Variants in PTPRG observed in about 807,000 individuals in gnomAD.
The protein encoded by PTPRG is protein tyrosine phosphatase receptor type G.
A neutral mutation model predicts 165.3 loss-of-function variants in PTPRG; 102 were observed. That is an observed-to-expected ratio of 0.62 (90% CI 0.53 to 0.73). PTPRG has a LOEUF of 0.73. PTPRG is among the 30% of genes least tolerant of loss of function. PTPRG has a pLI of 0.00. For missense variants in PTPRG, 1,866 were observed against 1,861.4 expected (o/e 1.00, Z -0.05); for synonymous variants, 675 against 669.5 (o/e 1.01, Z -0.13).
At chr3:62,006,208 G>T (rs889682243) in intron 4 of PTPRG, among the ~76,000 whole-genome samples, 4 of 152,048 alleles carry the variant, frequency 2.6e-5, no homozygotes, top group African/African-American at 9.7e-5. Flanking sequence ...TCTCATTGAG[G>T]TCCATCTGAT....
rs9820649 is a variant in PTPRG at position 62,125,982 on chromosome 3, G to A, written c.616-6620G>A. 2.3e-3 allele frequency among the ~76,000 whole-genome samples: 356 copies of A among 152,234 alleles called. 1 individual carries two copies. The highest frequency in any genetic ancestry group is 8.2e-3 in the African/African-American group (342 of 41,554). ...CCCCCACGGGAGTACCATTTGCCAG[G>A]CACCCCAGCCATCCCACTTCCTCCC... On this transcript the variant is annotated intron_variant, in intron 5 of 29. Coordinates refer to ENST00000474889, the MANE Select transcript of PTPRG (RefSeq NM_002841.4).
At chr3:62,211,971 A>G (rs200978911) in intron 12 of PTPRG, among the ~76,000 whole-genome samples, 2 of 149,006 alleles carry the variant, frequency 1.3e-5, no homozygotes, top group Non-Finnish European at 3.0e-5. Context: ...TTTTTTTTTA[A>G]TTTTTTTTTA....
intron 2 of PTPRG, among the ~76,000 whole-genome samples, chr3:61,785,103 G>A (rs1419936801): frequency 7.2e-5 from 11 of 152,180 alleles, no homozygotes; most frequent in African/African-American, 1.4e-4. Context: ...AGAAATTTCC[G>A]TGGCTGTGCT....
chr3:62,271,588 G>A lies in PTPRG; in HGVS notation c.3182+33G>A, dbSNP rs781359818. ...CTAGGATTCAACATGTGAAATAGAT[G>A]GGGCAGGGGACTTAGGCCTCAGTGA... On this transcript the variant is annotated intron_variant, in intron 21 of 29. Coordinates refer to ENST00000474889, the MANE Select transcript of PTPRG (RefSeq NM_002841.4). The surrounding 1 kb of genome is among the most constrained non-coding windows in gnomAD (Gnocchi z 4.1). 5 of 1,588,160 alleles carry A rather than the reference G, an allele frequency of 3.1e-6. No individual in the cohort carries two copies.
chr3:62,059,947 G>C (rs1213974227), intron 4 of PTPRG, among the ~76,000 whole-genome samples: 1 of 152,128 alleles, frequency 6.6e-6, no homozygotes, highest in East Asian at 1.9e-4. Flanking sequence ...GGCCTCCCCA[G>C]CTGTACTGAA....
In PTPRG at chr3:61,675,519, C is replaced by T. The variant is rs115794064; in HGVS notation, c.86-73359C>T. ...GTATTTTTCTCACCCACAGGTATCA[C>T]TGTTAGCATTTCTAGGTAAACAGTC... On this transcript the variant is annotated intron_variant, in intron 1 of 29. Coordinates refer to ENST00000474889, the MANE Select transcript of PTPRG (RefSeq NM_002841.4). Among the ~76,000 whole-genome samples the T allele has an allele frequency of 7.6e-4, 115 of 152,298 alleles. 1 individual carries two copies. The highest frequency in any genetic ancestry group is 1.3e-3 in the Non-Finnish European group (91 of 68,020).
At chr3:61,619,693 A>T (rs767972114) in intron 1 of PTPRG, among the ~76,000 whole-genome samples, 1 of 152,224 alleles carries the variant, frequency 6.6e-6, no homozygotes, top group Non-Finnish European at 1.5e-5. Context: ...ACATGAATTA[A>T]TAGAAAATGG....
chr3:61,601,540 C>T (rs1326234108), intron 1 of PTPRG, among the ~76,000 whole-genome samples: 1 of 152,148 alleles, frequency 6.6e-6, no homozygotes, highest in Non-Finnish European at 1.5e-5. Flanking sequence ...ACTTATTCAA[C>T]AAAAACAAAA....
At chr3:61,942,022 C>T (rs1279077096) in intron 2 of PTPRG, among the ~76,000 whole-genome samples, 9 of 151,700 alleles carry the variant, frequency 5.9e-5, no homozygotes, top group East Asian at 3.9e-4. Context: ...TAGCCAGGCG[C>T]GGTGGCAGGC....
At chr3:61,627,449 ATTC>A in intron 1 of PTPRG, among the ~76,000 whole-genome samples, 1 of 152,284 alleles carries the variant, frequency 6.6e-6, no homozygotes, top group East Asian at 1.9e-4. Context: ...CCTGTGTTCT[ATTC>A]TTTATGATGG....
chr3:61,851,060 T>C (rs1048112857), intron 2 of PTPRG, among the ~76,000 whole-genome samples: 11 of 152,196 alleles, frequency 7.2e-5, no homozygotes, highest in Non-Finnish European at 1.2e-4. Flanking sequence ...AATAGCAGAA[T>C]GCCCTTGGCA....
intron 4 of PTPRG, among the ~76,000 whole-genome samples, chr3:62,031,363 T>C (rs1481079394): frequency 6.6e-6 from 1 of 152,150 alleles, no homozygotes; most frequent in African/African-American, 2.4e-5. Context: ...GGGGGAAATG[T>C]GTGTCCAGGG....
chr3:61,801,628 G>T (rs2035245466), intron 2 of PTPRG, among the ~76,000 whole-genome samples: 1 of 152,154 alleles, frequency 6.6e-6, no homozygotes, highest in Admixed American at 6.5e-5. Context: ...GTTGGCCTCA[G>T]TGAGGGTTGG....
intron 2 of PTPRG, among the ~76,000 whole-genome samples, chr3:61,888,373 G>A (rs13096219): frequency 0.1 from 15,137 of 150,722 alleles, 1,190 homozygotes; most frequent in African/African-American, 0.22. Context: ...TTCCTCTGTC[G>A]CCCAGGCTGG....
At chr3:62,086,772 A>C (rs1701766211) in intron 5 of PTPRG, among the ~76,000 whole-genome samples, 2 of 152,230 alleles carry the variant, frequency 1.3e-5, no homozygotes, top group Non-Finnish European at 2.9e-5. Flanking sequence ...CTTACCATTA[A>C]GTGAAGGCCA....
chr3:62,236,135 C>T (rs1408002305), intron 14 of PTPRG, among the ~76,000 whole-genome samples: 1 of 152,204 alleles, frequency 6.6e-6, no homozygotes, highest in East Asian at 1.9e-4. Flanking sequence ...ATAAAAGAAA[C>T]TTAACAGCAA....
In PTPRG at chr3:62,203,516, G is replaced by A. The variant is rs1006713640; in HGVS notation, c.1721G>A (p.Gly574Asp). ...GGTGATTCGTCACCAACCAAGGACG[G>A]CGAGGGCACCGAGGAAGGAGAGAAG... ...PDGDSSPTKD[G>D]EGTEEGEKDE... Residue 574 changes from glycine to aspartate, a missense_variant, in exon 12 of 30, where the codon GGC becomes GAC. Gly to Asp is a moderately conservative substitution (Grantham distance 94, BLOSUM62 -1). Around this residue, in one of 3 missense-constraint regions of PTPRG, gnomAD observed 1,452 missense variants for 1,463.0 expected, o/e 0.99. Transcript: ENST00000474889. This position sits in a 1 kb window ranked among gnomAD's most constrained non-coding sequence, Gnocchi z 6.4. 3 of 1,558,238 alleles carry A rather than the reference G, an allele frequency of 1.9e-6. No individual in the cohort carries two copies. In the African/African-American group the frequency reaches 4.1e-5, roughly 21 times the overall value.
chr3:61,938,320 C>T (rs1394153577), intron 2 of PTPRG, among the ~76,000 whole-genome samples: 1 of 150,520 alleles, frequency 6.6e-6, no homozygotes, highest in Non-Finnish European at 1.5e-5. Context: ...TTTGTATGAC[C>T]ATAAACTTTG....
intron 4 of PTPRG, among the ~76,000 whole-genome samples, chr3:62,038,382 T>C (rs943111381): frequency 3.3e-5 from 5 of 152,182 alleles, no homozygotes; most frequent in Non-Finnish European, 5.9e-5. Flanking sequence ...TGAATAGTTA[T>C]GCTTTTTTCT....
Sources: gnomAD v4.1 joint callset for allele counts (sites outside exome capture counted in the v4.1 genomes callset) on GRCh38, gnomAD v4.1.1 for gene constraint, gnomAD v4.1.1 regional missense constraint, Gnocchi (gnomAD v3.1) non-coding constraint, MANE v1.5 for transcripts, NCBI Gene and HGNC (gene_info 2026-07-23, HGNC 2026-07-21) for gene names.